The following ZNF695 variants were observed in gnomAD, a reference collection of about 807,000 sequenced individuals.
The protein encoded by ZNF695 is zinc finger protein 695, also known as zinc finger protein SBZF3.
A neutral mutation model predicts 11.2 loss-of-function variants in ZNF695; 11 were observed. That is an observed-to-expected ratio of 0.98 (90% confidence interval 0.62 to 1.62). The LOEUF (loss-of-function observed/expected upper bound fraction) is 1.62, where lower values mean the gene tolerates loss of function less well. Among genes scored for constraint, ZNF695 ranks in the 40% most tolerant of loss-of-function variants. The pLI is 0.00. For synonymous variants in ZNF695, 190 were observed against 201.4 expected (o/e 0.94, Z 0.48); for missense variants, 559 against 590.5 (o/e 0.95, Z 0.55).
Position 246,986,320 on chromosome 1 carries a change from G to A in ZNF695, c.*647C>T, listed in dbSNP as rs1024172563. On this transcript the variant is annotated 3_prime_UTR_variant, in exon 4 of 4. Coordinates refer to ENST00000339986, the MANE Select transcript of ZNF695 (RefSeq NM_020394.5). ...TGGGCTCAAGCAATCCCCCGACCTC[G>A]GCATCCAAAAGTGCAGCAACTATAG... 3 of 955,172 alleles carry A rather than the reference G, an allele frequency of 3.1e-6. No individual in the cohort carries two copies. Among genetic ancestry groups the A allele is most frequent in the Admixed American group, 6.2e-5 (1 of 16,192 alleles). The allele number at this position is 955,172 out of a possible 1,614,324, so 59.2% of individuals were successfully genotyped here.
chr1:246,946,353 C>T (rs1244149036), intron 5 of ZNF695, among the ~76,000 whole-genome samples: 3 of 152,214 alleles, frequency 2.0e-5, no homozygotes, highest in South Asian at 2.1e-4. Context: ...CTTGCCTTGC[C>T]ACTTTTCTGA....
intron 2 of ZNF695, 125 bp downstream of exon 2, chr1:246,999,787 G>A (rs961895470): frequency 2.1e-6 from 2 of 951,892 alleles, no homozygotes; most frequent in East Asian, 5.3e-5. Flanking sequence ...AAAACATCTT[G>A]AAAGTTTTGT....
At chr1:246,948,240 A>AT (rs1667787828) in intron 5 of ZNF695, among the ~76,000 whole-genome samples, 1 of 151,408 alleles carries the variant, frequency 6.6e-6, no homozygotes. Context: ...CGCCTGGCTA[A>AT]TTTTTGTATT....
chr1:246,949,934 G>A (rs1047319262), intron 5 of ZNF695, among the ~76,000 whole-genome samples: 5 of 152,048 alleles, frequency 3.3e-5, no homozygotes, highest in Admixed American at 6.6e-5. Flanking sequence ...GAATTAATTC[G>A]GCTTCAGATT....
intron 3 of ZNF695, among the ~76,000 whole-genome samples, chr1:246,997,475 C>A (rs578031319): frequency 2.5e-4 from 38 of 151,778 alleles, no homozygotes; most frequent in South Asian, 6.3e-4. Flanking sequence ...TGCACTCCAG[C>A]CTGGGCGACA....
At chr1:246,995,330 A>G (rs926184415) in intron 3 of ZNF695, among the ~76,000 whole-genome samples, 16 of 152,246 alleles carry the variant, frequency 1.1e-4, no homozygotes, top group African/African-American at 3.9e-4. Context: ...CATGTTCTTC[A>G]TGGGCTAGAA....
At chr1:246,989,783 C>T (rs560474185) in intron 3 of ZNF695, among the ~76,000 whole-genome samples, 5 of 152,084 alleles carry the variant, frequency 3.3e-5, no homozygotes, top group South Asian at 2.1e-4. Context: ...TTTGGGAGGC[C>T]GAGGCGAGCA....
intron 3 of ZNF695, among the ~76,000 whole-genome samples, chr1:246,998,643 T>C (rs1301589385): frequency 6.6e-6 from 1 of 152,242 alleles, no homozygotes; most frequent in Non-Finnish European, 1.5e-5. Flanking sequence ...TACTCTCACA[T>C]GTTCCACATG....
In ZNF695 at chr1:246,987,342, C is replaced by A. The variant is rs750473767; in HGVS notation, c.1173G>T (p.Trp391Cys). Residue 391 changes from tryptophan (W) to cysteine (C), a missense_variant, in exon 4 of 4, where the codon TGG becomes TGT. By Grantham distance (215) the Trp-to-Cys change is radical. Coordinates refer to ENST00000339986, the MANE Select transcript of ZNF695 (RefSeq NM_020394.5). ...KCEECGKAFT[W>C]FSYLIQHKRI... is the part of the protein sequence containing the mutation. ...TCTTATGCTGAATAAGGTATGAGAA[C>A]CAGGTAAAAGCTTTGCCACATTCCT... 1.2e-6 allele frequency: 2 copies of A among 1,613,132 alleles called. No individual in the cohort carries two copies. The highest frequency in any genetic ancestry group is 1.7e-6 in the Non-Finnish European group (2 of 1,179,756).
chr1:246,966,795 A>G (rs1163526041), intron 5 of ZNF695: 1 of 456,644 alleles, frequency 2.2e-6, no homozygotes, highest in Non-Finnish European at 4.4e-6. Flanking sequence ...AAAGGAAAAA[A>G]AAGTCAAAAT....
intron 4 of ZNF695, among the ~76,000 whole-genome samples, chr1:246,977,488 G>A (rs1034928833): frequency 2.6e-5 from 4 of 152,132 alleles, no homozygotes; most frequent in Non-Finnish European, 1.5e-5. Flanking sequence ...GCCTGACTTC[G>A]TGATCCACCC....
chr1:246,961,109 C>T (rs1668152528), intron 5 of ZNF695, among the ~76,000 whole-genome samples: 1 of 152,146 alleles, frequency 6.6e-6, no homozygotes, highest in African/African-American at 2.4e-5. Flanking sequence ...GACCAAGAAA[C>T]TTAGCTATTT....
At position 247,005,414 on chromosome 1, in the gene ZNF695, G is replaced by A. The variant is rs145820748; in HGVS notation, c.3+2492C>T. On this transcript the variant is annotated intron_variant, in intron 1 of 3. Transcript: ENST00000339986. Reference sequence around the variant, plus strand: ...AAGAATAAAACTTGACCCCTTGGCCGGGTGTGGTGGCTCATGCATGTAATC... The same window carrying A: ...AAGAATAAAACTTGACCCCTTGGCCAGGTGTGGTGGCTCATGCATGTAATC... Among the ~76,000 whole-genome samples the A allele has an allele frequency of 3.4e-3, 511 of 152,264 alleles. 3 individuals carry two copies. The Middle Eastern group carries it at 0.034, about 10-fold the overall frequency.
At chr1:246,953,944 C>CA (rs887310149) in intron 5 of ZNF695, among the ~76,000 whole-genome samples, 3,999 of 64,570 alleles carry the variant, frequency 0.062, 81 homozygotes, top group African/African-American at 0.091. Context: ...AACAAACAAG[C>CA]AAAAAAAAAA....
At chr1:246,950,569 TG>T (rs1398357168) in intron 5 of ZNF695, among the ~76,000 whole-genome samples, 3 of 146,462 alleles carry the variant, frequency 2.0e-5, no homozygotes. Context: ...GAGAATTTCT[TG>T]AACCCGGGAG....
intron 4 of ZNF695, among the ~76,000 whole-genome samples, chr1:246,975,910 CAACTTATTCTATTAGGCGAAGAGAAT>C (rs1388161972): frequency 2.4e-4 from 36 of 152,128 alleles, no homozygotes; most frequent in African/African-American, 7.5e-4. Flanking sequence ...GCGAAGAGAA[CAACTTATTCTATTAGGCGAAGAGAAT>C]AACTTATTCT....
At chr1:246,989,452 T>C (rs913498051) in intron 3 of ZNF695, among the ~76,000 whole-genome samples, 2 of 152,006 alleles carry the variant, frequency 1.3e-5, no homozygotes, top group African/African-American at 2.4e-5. Flanking sequence ...CACGTTAAAA[T>C]ACATCAAACC....
intron 5 of ZNF695, among the ~76,000 whole-genome samples, chr1:246,958,791 C>T (rs376610038): frequency 3.3e-5 from 5 of 152,102 alleles, no homozygotes; most frequent in African/African-American, 9.7e-5. Context: ...ACCCCATTTT[C>T]GGGTGATTTG....
chr1:246,993,893 G>T (rs1669115755), intron 3 of ZNF695, among the ~76,000 whole-genome samples: 1 of 152,224 alleles, frequency 6.6e-6, no homozygotes, highest in Non-Finnish European at 1.5e-5. Flanking sequence ...TGCTAAAGGG[G>T]CTGGGTGCGG....
Sources: gnomAD v4.1 joint callset for allele counts (sites outside exome capture counted in the v4.1 genomes callset) on GRCh38, gnomAD v4.1.1 for gene constraint, MANE v1.5 for transcripts, NCBI Gene and HGNC (gene_info 2026-07-23, HGNC 2026-07-21) for gene names.